LDLRAP1: variants seen among roughly 807,000 people sequenced by gnomAD.
LDLRAP1 encodes the protein low density lipoprotein receptor adapter protein 1.
LDLRAP1 carries 30 observed loss-of-function variants against 37.8 expected under a neutral mutation model. The observed-to-expected ratio is 0.79, with a 90% confidence interval of 0.59 to 1.08. LDLRAP1 has a LOEUF of 1.08. Among genes scored for constraint, LDLRAP1 ranks in the 50% least tolerant of loss-of-function variants. The probability of loss-of-function intolerance (pLI) is 0.00; values close to 1 mark genes in which losing one functional copy is unlikely to be tolerated. For missense variants in LDLRAP1, 375 were observed against 401.6 expected, an observed-to-expected ratio of 0.93 and a Z score of 0.57; for synonymous variants, 156 against 169.8, an observed-to-expected ratio of 0.92 and a Z score of 0.63.
At chr1:25,573,442 T>A (rs1445887578), downstream of LDLRAP1, among the ~76,000 whole-genome samples, 1 of 152,074 alleles carries the variant, frequency 6.6e-6, no homozygotes, top group South Asian at 2.1e-4. Flanking sequence ...TCCCGGTGGC[T>A]GCATCCCGGG....
chr1:25,545,521 C>T (rs2124638362), intron 1 of LDLRAP1, among the ~76,000 whole-genome samples: 1 of 152,272 alleles, frequency 6.6e-6, no homozygotes, highest in Non-Finnish European at 1.5e-5. Context: ...TCCCCTGCTC[C>T]TCTTCCCCCT....
chr1:25,579,869 T>C, the LDLRAP1 span, among the ~76,000 whole-genome samples: 2 of 152,208 alleles, frequency 1.3e-5, no homozygotes, highest in African/African-American at 4.8e-5. Context: ...TTCCCTTCCT[T>C]CAGCTCTGAC....
chr1:25,575,570 C>T, the LDLRAP1 span, among the ~76,000 whole-genome samples: 9 of 152,130 alleles, frequency 5.9e-5, no homozygotes, highest in Non-Finnish European at 8.8e-5. Flanking sequence ...ACTCCAGCCT[C>T]GGCCACAGAA....
chr1:25,567,270 CAT>C lies in LDLRAP1; in HGVS notation c.*279_*280del, dbSNP rs2044508620. The C allele has an allele frequency of 5.9e-6, 3 of 510,002 alleles. No individual in the cohort carries two copies. Among genetic ancestry groups the C allele is most frequent in the East Asian group, 7.2e-5 (2 of 27,634 alleles). 31.6% of individuals were successfully genotyped at this position (510,002 alleles called of 1,614,324 possible). A position where few individuals can be genotyped will look rare whatever the true frequency, so the allele number is the denominator to read the frequency against. Reference sequence around the variant, plus strand: ...GTCAGGCACGTCTCCTGCTGCGTGACATGTGCAGTGCTGTAATCGGCTCCCGC... The same window carrying C: ...GTCAGGCACGTCTCCTGCTGCGTGACGTGCAGTGCTGTAATCGGCTCCCGC... On this transcript the variant is annotated 3_prime_UTR_variant, in exon 9 of 9. Transcript: ENST00000374338.
chr1:25,574,972 C>T, the LDLRAP1 span, among the ~76,000 whole-genome samples: 1 of 152,180 alleles, frequency 6.6e-6, no homozygotes, highest in African/African-American at 2.4e-5. Context: ...ACAGACAGCA[C>T]CCAGGACCCA....
chr1:25,583,799 C>T, the LDLRAP1 span, among the ~76,000 whole-genome samples: 3 of 152,158 alleles, frequency 2.0e-5, no homozygotes, highest in Non-Finnish European at 4.4e-5. Flanking sequence ...GCACTCCCAA[C>T]CCCCGAGCCT....
At chr1:25,559,039 G>T (rs539561186) in intron 4 of LDLRAP1, among the ~76,000 whole-genome samples, 2 of 152,176 alleles carry the variant, frequency 1.3e-5, no homozygotes, top group Non-Finnish European at 2.9e-5. Flanking sequence ...AAGGCCCCGG[G>T]TTCTTTTGAA....
rs761580368 is a variant in LDLRAP1 at position 25,553,949 on chromosome 1, G to C, written c.116G>C (p.Arg39Pro). 10 of 1,613,802 alleles carry C rather than the reference G, an allele frequency of 6.2e-6. No individual in the cohort carries two copies. Among genetic ancestry groups the C allele is most frequent in the Non-Finnish European group, 8.5e-6 (10 of 1,179,986 alleles). Residue 39 changes from arginine to proline, a missense_variant, in exon 2 of 9, where the codon CGG (arginine) becomes CCG (proline). Arg to Pro is a moderately radical substitution (Grantham distance 103). Coordinates refer to ENST00000374338, the MANE Select transcript of LDLRAP1 (RefSeq NM_015627.3). Reference protein sequence around the residue: ...RKLPENWTDTRETLLEGMLFS... With the variant: ...RKLPENWTDTPETLLEGMLFS... Reference sequence around the variant, plus strand: ...CTGCCTGAGAACTGGACAGACACGCGGGAGACGCTGCTGGAGGGGATGCTG... The same window carrying C: ...CTGCCTGAGAACTGGACAGACACGCCGGAGACGCTGCTGGAGGGGATGCTG...
At chr1:25,570,103 C>A (rs1283124842), downstream of LDLRAP1, among the ~76,000 whole-genome samples, 2 of 152,146 alleles carry the variant, frequency 1.3e-5, no homozygotes, top group East Asian at 3.8e-4. Context: ...TTTAAGCGTC[C>A]AGAACCCAGA....
chr1:25,582,044 C>A, the LDLRAP1 span, among the ~76,000 whole-genome samples: 1 of 152,174 alleles, frequency 6.6e-6, no homozygotes, highest in African/African-American at 2.4e-5. Flanking sequence ...CTGGGCTTCC[C>A]AGGGGTGGAA....
downstream of LDLRAP1, among the ~76,000 whole-genome samples, chr1:25,570,776 A>G (rs573481001): frequency 9.9e-5 from 15 of 152,180 alleles, no homozygotes; most frequent in Middle Eastern, 6.8e-3. Context: ...GGAGAATGGC[A>G]TGAACCCAGG....
At chr1:25,543,883 G>T (rs2043864326) in intron 1 of LDLRAP1, 97 bp downstream of exon 1, 7 of 762,362 alleles carry the variant, frequency 9.2e-6, no homozygotes, top group Non-Finnish European at 1.2e-5. Flanking sequence ...GGGCAGAGGC[G>T]GGGCCTCACC....
At chr1:25,574,876 G>A in the LDLRAP1 span, among the ~76,000 whole-genome samples, 1 of 152,082 alleles carries the variant, frequency 6.6e-6, no homozygotes, top group Non-Finnish European at 1.5e-5. Flanking sequence ...AGCAGTGAGG[G>A]GTGTCTTTGA....
the LDLRAP1 span, chr1:25,581,645 A>T: frequency 6.6e-6 from 1 of 152,412 alleles, no homozygotes; most frequent in Admixed American, 6.5e-5. Context: ...GAGGAGTGGG[A>T]CCGGCAGAGC....
the LDLRAP1 span, among the ~76,000 whole-genome samples, chr1:25,586,226 G>A: frequency 6.6e-6 from 1 of 152,044 alleles, no homozygotes; most frequent in African/African-American, 2.4e-5. The surrounding 1 kb of genome is among the most constrained non-coding windows in gnomAD (Gnocchi z 4.3). Flanking sequence ...AATGGGAATG[G>A]CCAATCCAAA....
At chr1:25,561,649 C>G (rs1012767976) in intron 4 of LDLRAP1, among the ~76,000 whole-genome samples, 10 of 152,128 alleles carry the variant, frequency 6.6e-5, no homozygotes, top group African/African-American at 2.4e-4. Context: ...AGAAGCTGAG[C>G]TGATTAACCC....
At chr1:25,558,541 G>A (rs1208516196) in intron 4 of LDLRAP1, among the ~76,000 whole-genome samples, 6 of 152,122 alleles carry the variant, frequency 3.9e-5, no homozygotes, top group Non-Finnish European at 8.8e-5. Flanking sequence ...GAGGTTCTGG[G>A]GGGAATCCAT....
the LDLRAP1 span, among the ~76,000 whole-genome samples, chr1:25,588,337 A>G: frequency 6.6e-6 from 1 of 152,218 alleles, no homozygotes; most frequent in South Asian, 2.1e-4. Flanking sequence ...GACAAGAGGA[A>G]GGCATCTGTC....
At position 25,554,929 on chromosome 1, in the gene LDLRAP1, G is replaced by C; in HGVS notation, c.301G>C (p.Asp101His). The change falls in exon 3 of 9, where the codon GAC becomes CAC. Residue 101 changes from aspartate (D) to histidine (H), a missense_variant. By Grantham distance (81) the Asp-to-His change is moderately conservative. Coordinates refer to ENST00000374338, the MANE Select transcript of LDLRAP1 (RefSeq NM_015627.3). The surrounding 1 kb of genome is among the most constrained non-coding windows in gnomAD (Gnocchi z 5.4). ...GTCGCCACGGGGAATTATCCTGACAGACAACCTCACCAACCAGCTCATTGA... is the reference window on the plus strand; with the variant it reads ...GTCGCCACGGGGAATTATCCTGACACACAACCTCACCAACCAGCTCATTGA... ...KVSPRGIILT[D>H]NLTNQLIENV... 2.5e-6 allele frequency: 4 copies of C among 1,614,230 alleles called. No individual in the cohort carries two copies. The highest frequency in any genetic ancestry group is 3.4e-6 in the Non-Finnish European group (4 of 1,180,030).
Sources: gnomAD v4.1 joint callset for allele counts (sites outside exome capture counted in the v4.1 genomes callset) on GRCh38, gnomAD v4.1.1 for gene constraint, Gnocchi (gnomAD v3.1) non-coding constraint, MANE v1.5 for transcripts, NCBI Gene and HGNC (gene_info 2026-07-23, HGNC 2026-07-21) for gene names.